Variants in RICTOR observed in about 807,000 individuals in gnomAD.
RICTOR encodes the protein RPTOR independent companion of MTOR complex 2, also known as rapamycin-insensitive companion of mTOR.
In RICTOR, 49 loss-of-function variants were observed where a neutral mutation model predicts 214.9. The ratio of observed to expected loss-of-function variants is 0.23; its 90% CI spans 0.18 to 0.29. The LOEUF is 0.29. RICTOR is among the 10% of genes least tolerant of loss of function. The pLI, the probability that RICTOR is intolerant of heterozygous loss-of-function variation, is 1.00. For synonymous variants in RICTOR, 717 were observed against 711.3 expected (o/e 1.01, Z -0.13); for missense variants, 1,625 against 2,047.0 (o/e 0.79, Z 3.98).
chr5:39,028,197 T>C (rs1460653821), intron 2 of RICTOR, among the ~76,000 whole-genome samples: 2 of 143,902 alleles, frequency 1.4e-5, no homozygotes, highest in African/African-American at 5.2e-5. Context: ...TTTTTTTTTT[T>C]TTTGAGACGG....
At chr5:38,952,889 T>A in intron 29 of RICTOR, 96 bp downstream of exon 29, 1 of 683,846 alleles carries the variant, frequency 1.5e-6, no homozygotes, top group East Asian at 2.6e-5. Flanking sequence ...GGATTAACAG[T>A]TATGCATTGC....
intron 2 of RICTOR, among the ~76,000 whole-genome samples, chr5:39,043,217 C>T (rs1336063813): frequency 1.3e-5 from 2 of 151,926 alleles, no homozygotes; most frequent in Admixed American, 1.3e-4. Flanking sequence ...TCATAATAGC[C>T]AAGATATAGA....
At chr5:39,000,991 A>T (rs1383747034) in intron 5 of RICTOR, among the ~76,000 whole-genome samples, 2 of 152,086 alleles carry the variant, frequency 1.3e-5, no homozygotes, top group African/African-American at 2.4e-5. Flanking sequence ...CCAATAAATA[A>T]ATGTTTAGAA....
Position 39,074,024 on chromosome 5 carries a change from G to A in RICTOR, c.97+87C>T, listed in dbSNP as rs1195804261. The A allele has an allele frequency of 4.0e-6, 4 of 1,011,834 alleles. No homozygotes were observed. The East Asian group carries it at 1.5e-4, about 37-fold the overall frequency. 62.7% of individuals were successfully genotyped at this position (1,011,834 alleles called of 1,614,324 possible). A position where few individuals can be genotyped will look rare whatever the true frequency, so the allele number is the denominator to read the frequency against. ...CCCGCACCCCGCCGGTCCCGTGCGG[G>A]GCCCGCCCCTGCCTCTGGCCCCCAG... On this transcript the variant is annotated intron_variant, in intron 2 of 37. Coordinates refer to ENST00000357387, the MANE Select transcript of RICTOR (RefSeq NM_152756.5).
rs2150023753 is a variant in RICTOR at position 38,962,882 on chromosome 5, G to A, written c.1560C>T (p.Ile520=). ...QYLRVQKDIF[I]LKDTEEALLI... is the part of the protein sequence containing the mutation. ...CATGATTTCATGTCAGCACCTTAAG[G>A]ATAAATATATCTTTCTGAACTCGGA... The change falls in exon 17 of 38, where the codon ATC becomes ATT. Residue 520 remains isoleucine (I), a synonymous_variant. Transcript: ENST00000357387. 1.2e-6 allele frequency: 2 copies of A among 1,611,242 alleles called. No homozygotes were observed. Among genetic ancestry groups the A allele is most frequent in the Non-Finnish European group, 1.7e-6 (2 of 1,177,668 alleles).
rs76717025 is a variant in RICTOR at position 38,980,177 on chromosome 5, G to A, written c.754-1527C>T. 8.9e-3 allele frequency among the ~76,000 whole-genome samples: 1,346 copies of A among 151,814 alleles called. 10 individuals are homozygous for A. Among genetic ancestry groups the A allele is most frequent in the Middle Eastern group, 0.034 (10 of 292 alleles). ...ATTTCTCTTCTTGAACAAATTAATC[G>A]GGGTTGTTTTAATGTCTTTTTCCTC... is the stretch of plus-strand genomic sequence containing the variant. On this transcript the variant is annotated intron_variant, in intron 8 of 37. Coordinates refer to ENST00000357387, the MANE Select transcript of RICTOR (RefSeq NM_152756.5).
At position 39,039,766 on chromosome 5, in the gene RICTOR, G is replaced by C. The variant is rs1480625734; in HGVS notation, c.98-18630C>G. Among the ~76,000 whole-genome samples, 3 of 152,278 alleles carry C rather than the reference G, an allele frequency of 2.0e-5. No homozygotes were observed. The East Asian group carries it at 5.8e-4, about 29-fold the overall frequency. On this transcript the variant is annotated intron_variant, in intron 2 of 37. Transcript: ENST00000357387. ...GAAATGCAAATCAAAACCACAATGA[G>C]ATACCATCTCATACCAGTTAGAATG...
chr5:39,015,568 G>A lies in RICTOR; in HGVS notation c.195+5471C>T, dbSNP rs575767997. 1.2e-4 allele frequency among the ~76,000 whole-genome samples: 18 copies of A among 151,888 alleles called. No individual in the cohort carries two copies. In the South Asian group the frequency reaches 3.5e-3, roughly 30 times the overall value. On this transcript the variant is annotated intron_variant, in intron 3 of 37. Coordinates refer to ENST00000357387, the MANE Select transcript of RICTOR (RefSeq NM_152756.5). ...TGCTACTGGCATCTAGTAGGTAGAG[G>A]CCGGGGCAGTGCTGAACACCCTAAA... is the stretch of plus-strand genomic sequence containing the variant.
intron 2 of RICTOR, among the ~76,000 whole-genome samples, chr5:39,068,380 GAGA>G (rs993440341): frequency 3.9e-5 from 6 of 152,216 alleles, no homozygotes; most frequent in African/African-American, 9.7e-5. Flanking sequence ...AATCCTCTCT[GAGA>G]AGGACTGTAT....
At chr5:39,024,811 A>C (rs1011563503) in intron 2 of RICTOR, among the ~76,000 whole-genome samples, 1 of 152,242 alleles carries the variant, frequency 6.6e-6, no homozygotes, top group Non-Finnish European at 1.5e-5. Context: ...TTTTCTGGGT[A>C]CAAACTGATT....
rs149105035 is a variant in RICTOR, at chr5:38,967,594, G to C, written c.1061-167C>G. 1.7e-3 allele frequency among the ~76,000 whole-genome samples: 265 copies of C among 152,292 alleles called. 1 individual carries two copies. Among genetic ancestry groups the C allele is most frequent in the African/African-American group, 6.1e-3 (253 of 41,558 alleles). ...AAAATTAGTTATGTAAATACACGCA[G>C]ATCTAATTTTCTTCATTTTGGGACT... On this transcript the variant is annotated intron_variant, in intron 12 of 37. Coordinates refer to ENST00000357387, the MANE Select transcript of RICTOR (RefSeq NM_152756.5).
At position 38,941,604 on chromosome 5, in the gene RICTOR, C is replaced by T. The variant is rs1047044933; in HGVS notation, c.*700G>A. The T allele has an allele frequency of 1.7e-5, 4 of 231,170 alleles. No homozygotes were observed. Among genetic ancestry groups the T allele is most frequent in the African/African-American group, 8.9e-5 (4 of 45,126 alleles). 14.3% of individuals were successfully genotyped at this position (231,170 alleles called of 1,614,324 possible). A position where few individuals can be genotyped will look rare whatever the true frequency, so the allele number is the denominator to read the frequency against. On this transcript the variant is annotated 3_prime_UTR_variant, in exon 38 of 38. Transcript: ENST00000357387. The stretch of plus-strand genomic sequence containing the variant: ...TTATTCAAGAACTGTAGTGAAAAAC[C>T]TTAATTGGTTCATATATCCTGTAAT...
At chr5:39,018,519 CATT>C (rs1224424273) in intron 3 of RICTOR, among the ~76,000 whole-genome samples, 8 of 152,268 alleles carry the variant, frequency 5.3e-5, no homozygotes, top group Non-Finnish European at 1.2e-4. Context: ...ATGTCTGTCA[CATT>C]TTGGCAATTC....
At chr5:38,976,701 T>G (rs1191436037) in intron 9 of RICTOR, among the ~76,000 whole-genome samples, 1 of 152,190 alleles carries the variant, frequency 6.6e-6, no homozygotes, top group Non-Finnish European at 1.5e-5. Flanking sequence ...CCCTGTTCCC[T>G]GGTCATAATA....
chr5:39,064,255 A>G (rs940692366), intron 2 of RICTOR, among the ~76,000 whole-genome samples: 2 of 152,238 alleles, frequency 1.3e-5, no homozygotes, highest in Non-Finnish European at 2.9e-5. Context: ...CACAAATAAC[A>G]GTATCTGTAG....
chr5:38,949,407 T>C (rs1161137441), intron 31 of RICTOR: 3 of 1,591,820 alleles, frequency 1.9e-6, no homozygotes, highest in Non-Finnish European at 2.5e-6. Flanking sequence ...TCCCCCGACA[T>C]GCTTCTTTTT....
chr5:39,059,891 A>C (rs933725248), intron 2 of RICTOR, among the ~76,000 whole-genome samples: 1 of 152,148 alleles, frequency 6.6e-6, no homozygotes, highest in African/African-American at 2.4e-5. Context: ...AATAAGTGTT[A>C]TCTCAAAAGG....
chr5:38,991,753 G>A (rs1561505359), intron 6 of RICTOR, among the ~76,000 whole-genome samples: 1 of 152,008 alleles, frequency 6.6e-6, no homozygotes, highest in Non-Finnish European at 1.5e-5. Flanking sequence ...GATCTAACTG[G>A]CAGTAACATT....
chr5:39,037,530 C>G (rs1756812758), intron 2 of RICTOR, among the ~76,000 whole-genome samples: 1 of 152,038 alleles, frequency 6.6e-6, no homozygotes, highest in Non-Finnish European at 1.5e-5. Context: ...AATCCAGGAG[C>G]TGGTTTTTTG....
Sources: gnomAD v4.1 joint callset for allele counts (sites outside exome capture counted in the v4.1 genomes callset) on GRCh38, gnomAD v4.1.1 for gene constraint, MANE v1.5 for transcripts, NCBI Gene and HGNC (gene_info 2026-07-23, HGNC 2026-07-21) for gene names.